GON4L: variants seen among roughly 807,000 people sequenced by gnomAD.
The protein encoded by GON4L is gon-4 like, also known as GON-4-like protein.
In GON4L, 87 loss-of-function variants were observed where a neutral mutation model predicts 211.8. The observed-to-expected ratio is 0.41, with a 90% CI of 0.35 to 0.49. The LOEUF (loss-of-function observed/expected upper bound fraction) is 0.49, where lower values mean the gene tolerates loss of function less well. Ranked by LOEUF, GON4L falls within the 20% of genes least tolerant of loss-of-function variation. The pLI is 0.15. For synonymous variants in GON4L, 875 were observed against 962.6 expected, an observed-to-expected ratio of 0.91 and a Z score of 1.68; for missense variants, 2,155 against 2,659.5, an observed-to-expected ratio of 0.81 and a Z score of 4.17.
In GON4L at chr1:155,777,790, A is replaced by G; in HGVS notation, c.1923T>C (p.Asn641=). The G allele has an allele frequency of 6.2e-7, 1 of 1,613,428 alleles. No individual in the cohort carries two copies. Among genetic ancestry groups the G allele is most frequent in the Non-Finnish European group, 8.5e-7 (1 of 1,179,470 alleles). The part of the protein sequence containing the change: ...RFEEPLANLL[N]EQHRTVKELF... Reference sequence around the variant, plus strand: ...GCTCCTTCACTGTCCGATGTTGTTCATTTAACAGGTTGGCCAGTGGTTCCT... The same window carrying G: ...GCTCCTTCACTGTCCGATGTTGTTCGTTTAACAGGTTGGCCAGTGGTTCCT... Residue 641 remains asparagine (N), a synonymous_variant, in exon 15 of 32, where the codon AAT becomes AAC. Coordinates refer to ENST00000368331, the MANE Select transcript of GON4L (RefSeq NM_001282860.2).
chr1:155,809,237 G>GA (rs1667452710), intron 10 of GON4L, among the ~76,000 whole-genome samples: 1 of 152,066 alleles, frequency 6.6e-6, no homozygotes, highest in African/African-American at 2.4e-5. Flanking sequence ...TCTCTGACAG[G>GA]AAGTTTCATA....
At chr1:155,807,574 G>A (rs542222715) in intron 10 of GON4L, among the ~76,000 whole-genome samples, 1 of 151,442 alleles carries the variant, frequency 6.6e-6, no homozygotes, top group South Asian at 2.1e-4. Flanking sequence ...CATGGTGGCA[G>A]GCGCCTGTAG....
At chr1:155,840,862 G>A (rs1292427355) in intron 2 of GON4L, among the ~76,000 whole-genome samples, 11 of 152,028 alleles carry the variant, frequency 7.2e-5, no homozygotes, top group African/African-American at 2.4e-4. Context: ...GAGAAACCCC[G>A]TCCCTATCAA....
rs1303388832 is a variant in GON4L, at chr1:155,847,756, C to T, written c.505+5520G>A. ...GAGTGTGGTGGTGCATGCCTGTAGT[C>T]CCAGGTACTCGAAAGGCTGGGGTAG... On this transcript the variant is annotated intron_variant, in intron 2 of 31. Transcript: ENST00000368331. Among the ~76,000 whole-genome samples, 12 of 152,108 alleles carry T rather than the reference C, an allele frequency of 7.9e-5. No individual in the cohort carries two copies. In the East Asian group the frequency reaches 2.3e-3, roughly 29 times the overall value.
chr1:155,792,757 T>C (rs1438085885), intron 12 of GON4L, among the ~76,000 whole-genome samples: 2 of 152,136 alleles, frequency 1.3e-5, no homozygotes, highest in Non-Finnish European at 2.9e-5. Context: ...ATTCTGTCCT[T>C]CTTGAAAGAC....
chr1:155,765,408 T>C lies in GON4L; in HGVS notation c.4065A>G (p.Glu1355=). The C allele has an allele frequency of 6.2e-7, 1 of 1,614,198 alleles. No individual in the cohort carries two copies. The highest frequency in any genetic ancestry group is 1.1e-5 in the South Asian group (1 of 91,082). The change falls in exon 21 of 32, where the codon GAA becomes GAG. Residue 1355 remains glutamate, a synonymous_variant. Transcript: ENST00000368331. The stretch of plus-strand genomic sequence containing the variant: ...CCTCGCTTGGGGCACCAGTGTCCAA[T>C]TCCACAGCATGTTCCACTTTGATGT... ...CDDIKVEHAV[E]LDTGAPSEEL... is the part of the protein sequence containing the mutation.
chr1:155,756,770 C>A (rs1661233073), intron 27 of GON4L, 188 bp downstream of exon 27: 2 of 550,814 alleles, frequency 3.6e-6, no homozygotes, highest in Non-Finnish European at 6.5e-6. Flanking sequence ...ACTAAAAATA[C>A]AAAAATTTGC....
chr1:155,795,371 C>T (rs1665964167), intron 11 of GON4L, among the ~76,000 whole-genome samples: 1 of 152,124 alleles, frequency 6.6e-6, no homozygotes, highest in African/African-American at 2.4e-5. Flanking sequence ...GGACCACAGG[C>T]ATACGCCACC....
At chr1:155,857,415 GAT>G, upstream of GON4L, 1 of 152,394 alleles carries the variant, frequency 6.6e-6, no homozygotes, top group Middle Eastern at 3.4e-3. Flanking sequence ...CTGAGGTTAA[GAT>G]TCAGTGGTTT....
chr1:155,773,154 C>A lies in GON4L; in HGVS notation c.2407G>T (p.Val803Phe), dbSNP rs1478421197. 6.2e-7 allele frequency: 1 copy of A among 1,614,012 alleles called. No homozygotes were observed. Residue 803 changes from valine to phenylalanine, a missense_variant, in exon 18 of 32, where the codon GTT becomes TTT. Val to Phe is a conservative substitution (Grantham distance 50, BLOSUM62 -1). Around this residue, in one of 6 missense-constraint regions of GON4L, gnomAD observed 551 missense variants for 854.0 expected, o/e 0.65. Transcript: ENST00000368331. ...QVAWILATSK[V>F]FMYPELLPVC... is the part of the protein sequence containing the mutation. ...GGAAGTAACTCTGGATACATGAAAA[C>A]CTTGCTTGTGGCCAGAATCCAAGCC...
At chr1:155,830,360 C>T (rs1400584915) in intron 2 of GON4L, among the ~76,000 whole-genome samples, 1 of 151,924 alleles carries the variant, frequency 6.6e-6, no homozygotes, top group Admixed American at 6.6e-5. Context: ...TCACCGCAAC[C>T]TCCGCCTCCC....
At chr1:155,786,510 G>A (rs975117537) in intron 12 of GON4L, among the ~76,000 whole-genome samples, 1 of 151,868 alleles carries the variant, frequency 6.6e-6, no homozygotes, top group African/African-American at 2.4e-5. Flanking sequence ...CAGCCTGGGC[G>A]ACAGAGCAAG....
downstream of GON4L, chr1:155,748,751 A>G: frequency 1.9e-6 from 3 of 1,614,156 alleles, no homozygotes; most frequent in Non-Finnish European, 2.5e-6. Context: ...TTGCCCAGTC[A>G]GTGGTGCTGA....
intron 10 of GON4L, among the ~76,000 whole-genome samples, chr1:155,807,255 A>T (rs822017): frequency 1.3e-5 from 2 of 152,102 alleles, no homozygotes; most frequent in East Asian, 1.9e-4. Flanking sequence ...AAAAAGTTAG[A>T]TGGGAGTGGT....
At chr1:155,756,784 G>C in intron 27 of GON4L, 174 bp downstream of exon 27, 1 of 577,690 alleles carries the variant, frequency 1.7e-6, no homozygotes. Context: ...AATTTGCTGG[G>C]CGTGGTGGCT....
At chr1:155,754,529 T>G (rs1244681238) in intron 27 of GON4L, 41 bp from the exon 28 acceptor site, 16 of 1,083,270 alleles carry the variant, frequency 1.5e-5, no homozygotes, top group East Asian at 2.4e-5. Context: ...AAGTTGTTTT[T>G]TTTTTTTTTT....
At chr1:155,779,442 G>A (rs1008025997) in intron 14 of GON4L, among the ~76,000 whole-genome samples, 8 of 150,674 alleles carry the variant, frequency 5.3e-5, no homozygotes, top group Non-Finnish European at 1.0e-4. Flanking sequence ...TCAGCCTCCT[G>A]AGTAGCTGGG....
intron 12 of GON4L, among the ~76,000 whole-genome samples, chr1:155,788,973 C>T (rs1355568796): frequency 6.6e-6 from 1 of 151,762 alleles, no homozygotes; most frequent in Non-Finnish European, 1.5e-5. Context: ...ACCTGTAGTC[C>T]CAGCTACTCG....
At chr1:155,767,718 T>C (rs1253356527) in intron 19 of GON4L, among the ~76,000 whole-genome samples, 177 bp from the exon 20 acceptor site, 2 of 152,178 alleles carry the variant, frequency 1.3e-5, no homozygotes, top group Non-Finnish European at 2.9e-5. Flanking sequence ...ATATGCTGAA[T>C]ACTTGTACAT....
Sources: allele counts gnomAD v4.1 joint callset (sites outside exome capture counted in the v4.1 genomes callset), GRCh38; gene constraint gnomAD v4.1.1; regional missense constraint gnomAD v4.1.1; transcripts MANE v1.5; gene names NCBI Gene and HGNC (gene_info 2026-07-23, HGNC 2026-07-21).